Variants in MRAS observed in about 807,000 individuals in gnomAD.
The protein encoded by MRAS is muscle RAS oncogene homolog, also known as ras-related protein M-Ras.
Under a neutral mutation model 20.9 loss-of-function variants are expected in MRAS, and 4 were observed. That is an observed-to-expected ratio of 0.19 (90% CI 0.09 to 0.44). The LOEUF (loss-of-function observed/expected upper bound fraction) is 0.44, where lower values mean the gene tolerates loss of function less well. Among genes scored for constraint, MRAS ranks in the 20% least tolerant of loss-of-function variants. MRAS has a pLI of 0.99. For missense variants in MRAS, 154 were observed against 277.5 expected (o/e 0.56, Z 3.16); for synonymous variants, 98 against 102.9 (o/e 0.95, Z 0.29).
At position 138,373,209 on chromosome 3, in the gene MRAS, T is replaced by A. The variant is rs1201795989; in HGVS notation, c.193+133T>A. On this transcript the variant is annotated intron_variant, in intron 2 of 5. Transcript: ENST00000423968. ...ATGGGATGGTTGATATAAAGCCGTG[T>A]GTCGTTTTCAGGGTGAATTCTCAAC... 1.0e-5 allele frequency: 9 copies of A among 884,186 alleles called. No homozygotes were observed. The African/African-American group carries it at 1.0e-4, about 10-fold the overall frequency. The allele number at this position is 884,186 out of a possible 1,614,324, so 54.8% of individuals were successfully genotyped here. A position where few individuals can be genotyped will look rare whatever the true frequency, so the allele number is the denominator to read the frequency against.
chr3:138,372,595 T>C (rs1251509333), intron 1 of MRAS, among the ~76,000 whole-genome samples: 1 of 152,222 alleles, frequency 6.6e-6, no homozygotes, highest in Non-Finnish European at 1.5e-5. Context: ...TTGGCTATAC[T>C]TGCTAAACAA....
At chr3:138,354,652 G>A (rs1206724333) in intron 1 of MRAS, among the ~76,000 whole-genome samples, 1 of 152,190 alleles carries the variant, frequency 6.6e-6, no homozygotes, top group African/African-American at 2.4e-5. Context: ...TGTGGGTTTA[G>A]CCAAGCTGTA....
At chr3:138,363,289 C>A (rs1169340110) in intron 1 of MRAS, among the ~76,000 whole-genome samples, 7 of 152,144 alleles carry the variant, frequency 4.6e-5, no homozygotes, top group African/African-American at 1.7e-4. Context: ...TCTCGAACAC[C>A]TGACCTCGTG....
chr3:138,377,713 C>G (rs763733026), intron 2 of MRAS, among the ~76,000 whole-genome samples: 1 of 152,190 alleles, frequency 6.6e-6, no homozygotes, highest in African/African-American at 2.4e-5. Context: ...TGCCCTGTAC[C>G]CCACTGAACT....
Position 138,366,458 on chromosome 3 carries a change from A to G in MRAS, c.-18-6408A>G, listed in dbSNP as rs2054561966. On this transcript the variant is annotated intron_variant, in intron 1 of 5. Transcript: ENST00000423968. Reference sequence around the variant, plus strand: ...AAGGGGACTCTTTAAAATAATTAGTATAGAAATACAGAAGCAAAAAGCAGT... The same window carrying G: ...AAGGGGACTCTTTAAAATAATTAGTGTAGAAATACAGAAGCAAAAAGCAGT... Among the ~76,000 whole-genome samples, 4 of 152,236 alleles carry G rather than the reference A, an allele frequency of 2.6e-5. 1 individual carries two copies. The highest frequency in any genetic ancestry group is 2.0e-4 in the Admixed American group (3 of 15,278).
intron 2 of MRAS, among the ~76,000 whole-genome samples, chr3:138,376,834 ATT>A (rs1215793524): frequency 1.3e-5 from 2 of 152,190 alleles, no homozygotes; most frequent in African/African-American, 4.8e-5. Flanking sequence ...CACAGGGGTC[ATT>A]TTTTGCACGT....
At chr3:138,389,353 G>A (rs1020421665) in intron 2 of MRAS, among the ~76,000 whole-genome samples, 11 of 151,640 alleles carry the variant, frequency 7.3e-5, no homozygotes, top group African/African-American at 2.4e-4. Flanking sequence ...CCATGGTGAG[G>A]AGCTGAGCCA....
chr3:138,351,416 T>C (rs1054320411), intron 1 of MRAS, among the ~76,000 whole-genome samples: 1 of 152,122 alleles, frequency 6.6e-6, no homozygotes, highest in Non-Finnish European at 1.5e-5. Context: ...GTCACCTTTA[T>C]CTGGAGACAG....
At chr3:138,367,347 A>G (rs890089282) in intron 1 of MRAS, among the ~76,000 whole-genome samples, 8 of 152,168 alleles carry the variant, frequency 5.3e-5, no homozygotes, top group Non-Finnish European at 4.4e-5. Flanking sequence ...AACTTGCCCC[A>G]GGTCACACAG....
chr3:138,397,385 G>A lies in MRAS; in HGVS notation c.255G>A (p.Gly85=), dbSNP rs1263213336. ...TGCGGGAGCAATACATGCGCACGGGGGATGGCTTCCTCATCGTCTACTCCG... is the reference window on the plus strand; with the variant it reads ...TGCGGGAGCAATACATGCGCACGGGAGATGGCTTCCTCATCGTCTACTCCG... ...SAMREQYMRT[G]DGFLIVYSVT... is the part of the protein sequence containing the mutation. The change falls in exon 3 of 6, where the codon GGG becomes GGA. Residue 85 remains glycine, a synonymous_variant. Transcript: ENST00000423968. The A allele has an allele frequency of 8.7e-6, 14 of 1,614,144 alleles. No individual in the cohort carries two copies. Among genetic ancestry groups the A allele is most frequent in the Non-Finnish European group, 1.2e-5 (14 of 1,180,016 alleles).
intron 2 of MRAS, among the ~76,000 whole-genome samples, chr3:138,383,296 C>G (rs1490120209): frequency 2.0e-5 from 3 of 152,072 alleles, no homozygotes; most frequent in Non-Finnish European, 4.4e-5. Context: ...GCTATTGTTG[C>G]AGTGATTGCT....
intron 2 of MRAS, among the ~76,000 whole-genome samples, chr3:138,374,741 G>A (rs2054748654): frequency 6.6e-6 from 1 of 152,152 alleles, no homozygotes; most frequent in Non-Finnish European, 1.5e-5. Flanking sequence ...ATCAGGTCAT[G>A]GAAGTTCCTT....
rs948661410 is a variant in MRAS at position 138,403,945 on chromosome 3, G to A, written c.*1676G>A. The A allele has an allele frequency of 6.6e-6, 1 of 152,172 alleles. No individual in the cohort carries two copies. Among genetic ancestry groups the A allele is most frequent in the Non-Finnish European group, 1.5e-5 (1 of 68,040 alleles). 9.4% of individuals were successfully genotyped at this position (152,172 alleles called of 1,614,324 possible). ...CCTCGGCAAGATCACCAGCACTGAGGGGCCCAGCTGGAGAATGATTCTGCT... is the reference window on the plus strand; with the variant it reads ...CCTCGGCAAGATCACCAGCACTGAGAGGCCCAGCTGGAGAATGATTCTGCT... On this transcript the variant is annotated 3_prime_UTR_variant, in exon 6 of 6. Transcript: ENST00000423968.
chr3:138,391,124 A>G (rs1461221036), intron 2 of MRAS, among the ~76,000 whole-genome samples: 1 of 151,986 alleles, frequency 6.6e-6, no homozygotes, highest in Non-Finnish European at 1.5e-5. Flanking sequence ...CTACTCTGGC[A>G]ATTTCTACTT....
At chr3:138,400,366 G>A in intron 4 of MRAS, 168 bp from the exon 5 acceptor site, 1 of 626,022 alleles carries the variant, frequency 1.6e-6, no homozygotes, top group Non-Finnish European at 2.9e-6. Flanking sequence ...TTTCCAACCT[G>A]AAAGAGTGAA....
chr3:138,374,592 T>C (rs1474757341), intron 2 of MRAS, among the ~76,000 whole-genome samples: 2 of 152,242 alleles, frequency 1.3e-5, no homozygotes, highest in Non-Finnish European at 2.9e-5. Context: ...CTTATCTCAT[T>C]GATTAAAATC....
chr3:138,402,716 T>G lies in MRAS; in HGVS notation c.*447T>G. ...TCTTTTATAGATTTTTAAATTATTT[T>G]AGTGATTATTATTTTATTAAAGGGG... On this transcript the variant is annotated 3_prime_UTR_variant, in exon 6 of 6. Coordinates refer to ENST00000423968, the MANE Select transcript of MRAS (RefSeq NM_001085049.3). The G allele has an allele frequency of 6.5e-6, 1 of 154,870 alleles. No individual in the cohort carries two copies. The highest frequency in any genetic ancestry group is 1.4e-5 in the Non-Finnish European group (1 of 69,528). 9.6% of individuals were successfully genotyped at this position (154,870 alleles called of 1,614,324 possible).
chr3:138,363,027 C>T (rs1287819095), intron 1 of MRAS, among the ~76,000 whole-genome samples: 1 of 148,722 alleles, frequency 6.7e-6, no homozygotes, highest in African/African-American at 2.6e-5. Flanking sequence ...CTTGTCCTTA[C>T]TGTTTTTTGT....
chr3:138,355,569 C>T (rs556452753), intron 1 of MRAS, among the ~76,000 whole-genome samples: 2 of 152,296 alleles, frequency 1.3e-5, no homozygotes, highest in South Asian at 4.1e-4. Flanking sequence ...GCGGGAGACC[C>T]CAAGTCCTCT....
Sources: gnomAD v4.1 joint callset for allele counts (sites outside exome capture counted in the v4.1 genomes callset) on GRCh38, gnomAD v4.1.1 for gene constraint, MANE v1.5 for transcripts, NCBI Gene and HGNC (gene_info 2026-07-23, HGNC 2026-07-21) for gene names.